UBR3: variants seen among roughly 807,000 people sequenced by gnomAD.
UBR3 encodes ubiquitin protein ligase E3 component n-recognin 3.
A neutral mutation model predicts 243.2 loss-of-function variants in UBR3; 85 were observed. That is an observed-to-expected ratio of 0.35 (90% CI 0.29 to 0.42). UBR3 has a LOEUF of 0.42. Ranked by LOEUF, UBR3 falls within the 10% of genes least tolerant of loss-of-function variation. The pLI is 1.00. For synonymous variants in UBR3, 748 were observed against 799.8 expected (o/e 0.94, Z 1.09); for missense variants, 1,686 against 2,300.8 (o/e 0.73, Z 5.47).
intron 31 of UBR3, among the ~76,000 whole-genome samples, chr2:170,031,851 A>C (rs1165322716): frequency 6.6e-6 from 1 of 152,120 alleles, no homozygotes; most frequent in Non-Finnish European, 1.5e-5. Context: ...CAAAGGACAT[A>C]ATTTCATTCT....
chr2:169,922,813 A>C (rs1388563965), intron 11 of UBR3, among the ~76,000 whole-genome samples: 2 of 152,164 alleles, frequency 1.3e-5, no homozygotes, highest in African/African-American at 4.8e-5. Context: ...ACTTTTATTT[A>C]TTAGAACAAA....
At chr2:169,917,528 A>C (rs1490385304) in intron 11 of UBR3, among the ~76,000 whole-genome samples, 1 of 152,246 alleles carries the variant, frequency 6.6e-6, no homozygotes, top group Non-Finnish European at 1.5e-5. Flanking sequence ...AGTGAAGGAC[A>C]GTTAGAATCA....
chr2:170,029,207 A>G (rs1281996423), intron 30 of UBR3, 139 bp from the exon 31 acceptor site: 1 of 624,340 alleles, frequency 1.6e-6, no homozygotes, highest in Non-Finnish European at 2.7e-6. Context: ...GTGTGAAGTA[A>G]TTGGGACTTA....
chr2:170,002,366 C>T (rs16857393), intron 27 of UBR3, among the ~76,000 whole-genome samples: 7,974 of 152,212 alleles, frequency 0.052, 401 homozygotes, highest in African/African-American at 0.13. Context: ...AATTCATTTA[C>T]CTGTCTTTGA....
intron 1 of UBR3, among the ~76,000 whole-genome samples, chr2:169,842,407 A>G (rs2082327544): frequency 1.3e-5 from 2 of 152,214 alleles, no homozygotes; most frequent in African/African-American, 4.8e-5. Context: ...GTGGGGCCAG[A>G]TAAGAGAATA....
intron 1 of UBR3, among the ~76,000 whole-genome samples, chr2:169,831,393 A>C (rs1573994155): frequency 6.7e-6 from 1 of 148,826 alleles, no homozygotes; most frequent in African/African-American, 2.5e-5. Context: ...TAGGTGATCC[A>C]CCCGCCTCGG....
intron 1 of UBR3, 117 bp from the exon 2 acceptor site, chr2:169,872,119 A>C (rs1222346189): frequency 1.3e-6 from 1 of 763,546 alleles, no homozygotes; most frequent in Non-Finnish European, 1.9e-6. Context: ...TGGTACCTTA[A>C]AAATCATAAA....
In UBR3 at chr2:169,926,929, C is replaced by T. The variant is rs1464626013; in HGVS notation, c.2296C>T (p.Leu766Phe). The stretch of plus-strand genomic sequence containing the variant: ...TGAGAGGTCGATGTTAGAAGGCGCT[C>T]TTACATTTCTTGTGATTCTTTTGAG... ...EHERSMLEGA[L>F]TFLVILLSLR... Residue 766 changes from leucine to phenylalanine, a missense_variant, in exon 16 of 39, where the codon CTT becomes TTT. Physicochemically the swap from Leu to Phe is conservative, Grantham distance 22. Transcript: ENST00000272793. 1 of 1,551,096 alleles carries T rather than the reference C, an allele frequency of 6.4e-7. No homozygotes were observed. Among genetic ancestry groups the T allele is most frequent in the Admixed American group, 2.0e-5 (1 of 51,008 alleles).
chr2:170,030,187 T>G (rs1032559982), intron 31 of UBR3, among the ~76,000 whole-genome samples: 3 of 152,148 alleles, frequency 2.0e-5, no homozygotes, highest in African/African-American at 7.2e-5. Flanking sequence ...AACTGACTTT[T>G]GTACTTTTGA....
intron 19 of UBR3, among the ~76,000 whole-genome samples, chr2:169,940,243 T>A (rs914464243): frequency 6.6e-6 from 1 of 152,178 alleles, no homozygotes; most frequent in African/African-American, 2.4e-5. Flanking sequence ...GTTGATTTTT[T>A]AACAAATGTA....
intron 24 of UBR3, among the ~76,000 whole-genome samples, chr2:169,980,835 G>A (rs1011197255): frequency 6.9e-6 from 1 of 145,544 alleles, no homozygotes; most frequent in Non-Finnish European, 1.5e-5. Flanking sequence ...AGGAACTAGG[G>A]TCCTTGGAGG....
At chr2:170,045,781 AT>A (rs1207053709) in intron 32 of UBR3, among the ~76,000 whole-genome samples, 1 of 151,990 alleles carries the variant, frequency 6.6e-6, no homozygotes, top group Non-Finnish European at 1.5e-5. Context: ...ACCTGTGGTT[AT>A]TTTGAAGCGA....
chr2:169,960,752 A>G (rs2087534029), intron 24 of UBR3, among the ~76,000 whole-genome samples: 1 of 151,966 alleles, frequency 6.6e-6, no homozygotes, highest in Non-Finnish European at 1.5e-5. Context: ...AAAGTTGCTG[A>G]CATTTTGTTT....
chr2:169,957,380 C>T (rs2087352020), intron 23 of UBR3, among the ~76,000 whole-genome samples: 1 of 151,722 alleles, frequency 6.6e-6, no homozygotes, highest in Non-Finnish European at 1.5e-5. Context: ...TACTATGCAG[C>T]CATAAAAAAG....
chr2:169,918,711 A>C (rs1188579709), intron 11 of UBR3, among the ~76,000 whole-genome samples: 10 of 152,186 alleles, frequency 6.6e-5, no homozygotes, highest in Non-Finnish European at 4.4e-5. Flanking sequence ...TAGGCCATTT[A>C]AGAGTTCTTA....
At chr2:169,894,020 T>C (rs1303858287) in intron 6 of UBR3, among the ~76,000 whole-genome samples, 1 of 152,172 alleles carries the variant, frequency 6.6e-6, no homozygotes, top group Non-Finnish European at 1.5e-5. Flanking sequence ...ATCATTGTCA[T>C]GCCCTGGAAA....
At chr2:170,046,348 C>G (rs1301310565) in intron 32 of UBR3, among the ~76,000 whole-genome samples, 1 of 152,098 alleles carries the variant, frequency 6.6e-6, no homozygotes, top group Non-Finnish European at 1.5e-5. Context: ...TGTTATAGTT[C>G]TTTTAAATCT....
chr2:169,890,563 A>ATATGTGTGTGTG, intron 5 of UBR3, among the ~76,000 whole-genome samples: 2 of 83,888 alleles, frequency 2.4e-5, no homozygotes, highest in East Asian at 6.0e-4. Context: ...ATATATATAT[A>ATATGTGTGTGTG]TGTGTATATA....
chr2:169,956,300 T>TTA (rs145201293), intron 23 of UBR3, among the ~76,000 whole-genome samples: 45,599 of 146,796 alleles, frequency 0.31, 7,197 homozygotes, highest in South Asian at 0.44. Flanking sequence ...AACTAAAATG[T>TTA]TATATATATA....
Sources: allele counts gnomAD v4.1 joint callset (sites outside exome capture counted in the v4.1 genomes callset), GRCh38; gene constraint gnomAD v4.1.1; transcripts MANE v1.5; gene names NCBI Gene and HGNC (gene_info 2026-07-23, HGNC 2026-07-21).